The following NXPH2 variants were observed in gnomAD, a reference collection of about 807,000 sequenced individuals.
The protein encoded by NXPH2 is neurexophilin 2.
A neutral mutation model predicts 19.8 loss-of-function variants in NXPH2; 5 were observed. The ratio of observed to expected loss-of-function variants is 0.25; its 90% CI spans 0.13 to 0.53. The LOEUF (loss-of-function observed/expected upper bound fraction) is 0.53, where lower values mean the gene tolerates loss of function less well. Among genes scored for constraint, NXPH2 ranks in the 20% least tolerant of loss-of-function variants. The pLI, the probability that NXPH2 is intolerant of heterozygous loss-of-function variation, is 0.96. For synonymous variants in NXPH2, 154 were observed against 127.4 expected (o/e 1.21, Z -1.41); for missense variants, 289 against 322.8 (o/e 0.90, Z 0.80).
chr2:138,683,444 A>G (rs949939575), intron 1 of NXPH2, among the ~76,000 whole-genome samples: 1 of 152,224 alleles, frequency 6.6e-6, no homozygotes, highest in African/African-American at 2.4e-5. Flanking sequence ...TTCTATTTCC[A>G]TGCCATTTTC....
chr2:138,776,816 T>A (rs1321117482), intron 1 of NXPH2, among the ~76,000 whole-genome samples: 1 of 152,044 alleles, frequency 6.6e-6, no homozygotes, highest in Non-Finnish European at 1.5e-5. Flanking sequence ...AAACAAATAT[T>A]AAAATTATTA....
At chr2:138,757,812 TTTATCTATC>T (rs1472112933) in intron 1 of NXPH2, among the ~76,000 whole-genome samples, 4 of 120,686 alleles carry the variant, frequency 3.3e-5, no homozygotes, top group South Asian at 6.1e-4. Context: ...TGTGTGTTTC[TTTATCTATC>T]TATCTATCTA....
At chr2:138,686,500 T>C (rs55941745) in intron 1 of NXPH2, among the ~76,000 whole-genome samples, 12,750 of 152,188 alleles carry the variant, frequency 0.084, 790 homozygotes, top group Non-Finnish European at 0.11. Flanking sequence ...GCTACTTTAT[T>C]GAGGTATGAT....
At chr2:138,713,052 A>G (rs1176687469) in intron 1 of NXPH2, among the ~76,000 whole-genome samples, 1 of 152,232 alleles carries the variant, frequency 6.6e-6, no homozygotes, top group Non-Finnish European at 1.5e-5. Context: ...TAAATTAATT[A>G]TCCAAAGCTT....
chr2:138,689,534 A>G (rs1680714004), intron 1 of NXPH2, among the ~76,000 whole-genome samples: 1 of 152,172 alleles, frequency 6.6e-6, no homozygotes, highest in East Asian at 1.9e-4. Context: ...AGGAGTGCCC[A>G]TGTTGAGGTA....
chr2:138,757,352 C>T (rs115692128), intron 1 of NXPH2, among the ~76,000 whole-genome samples: 318 of 152,256 alleles, frequency 2.1e-3, no homozygotes, highest in African/African-American at 7.2e-3. Flanking sequence ...TGCCGATCTG[C>T]TGCATGAACA....
At chr2:138,693,697 C>G (rs1338486859) in intron 1 of NXPH2, among the ~76,000 whole-genome samples, 6 of 151,950 alleles carry the variant, frequency 3.9e-5, no homozygotes, top group African/African-American at 1.5e-4. Flanking sequence ...CACAGTGGTT[C>G]ACTGTAGGTC....
At chr2:138,734,889 C>G (rs951570978) in intron 1 of NXPH2, among the ~76,000 whole-genome samples, 21 of 152,076 alleles carry the variant, frequency 1.4e-4, no homozygotes, top group Admixed American at 1.3e-3. Context: ...TCAGAAACAT[C>G]TTGATAAAGA....
chr2:138,723,962 A>T (rs1681318747), intron 1 of NXPH2, among the ~76,000 whole-genome samples: 2 of 142,352 alleles, frequency 1.4e-5, no homozygotes, highest in Admixed American at 1.4e-4. Flanking sequence ...TTTTAAGTTC[A>T]GAGGTACATG....
intron 1 of NXPH2, among the ~76,000 whole-genome samples, chr2:138,684,971 A>T (rs999455417): frequency 2.0e-5 from 3 of 152,214 alleles, no homozygotes; most frequent in Admixed American, 6.5e-5. Flanking sequence ...TCTTCACTGG[A>T]TATCTGCATC....
rs1341211638 is a variant in NXPH2, at chr2:138,751,959, T to C, written c.51+28232A>G. 2.0e-5 allele frequency among the ~76,000 whole-genome samples: 3 copies of C among 152,224 alleles called. No homozygotes were observed. In the East Asian group the frequency reaches 5.8e-4, roughly 29 times the overall value. ...TGTGGAGAGATAACTCTAGGAATATTTGAGATGCTTAAATTACTTTGAGTT... is the reference window on the plus strand; with the variant it reads ...TGTGGAGAGATAACTCTAGGAATATCTGAGATGCTTAAATTACTTTGAGTT... On this transcript the variant is annotated intron_variant, in intron 1 of 1. Transcript: ENST00000272641.
intron 1 of NXPH2, among the ~76,000 whole-genome samples, chr2:138,715,132 A>G: frequency 6.6e-6 from 1 of 152,186 alleles, no homozygotes; most frequent in Non-Finnish European, 1.5e-5. Context: ...TAGATTCACT[A>G]CAGTCACTTT....
At position 138,762,877 on chromosome 2, in the gene NXPH2, G is replaced by A. The variant is rs537634559; in HGVS notation, c.51+17314C>T. On this transcript the variant is annotated intron_variant, in intron 1 of 1. Coordinates refer to ENST00000272641, the MANE Select transcript of NXPH2 (RefSeq NM_007226.3). The stretch of plus-strand genomic sequence containing the variant: ...AGAGGAGCTATTCCATACAGACCAA[G>A]CTTGGCTCCTTAAGCCAGACCACAC... Among the ~76,000 whole-genome samples, 6 of 152,276 alleles carry A rather than the reference G, an allele frequency of 3.9e-5. No homozygotes were observed. The South Asian group carries it at 1.2e-3, about 32-fold the overall frequency.
chr2:138,747,774 C>T (rs903263931), intron 1 of NXPH2, among the ~76,000 whole-genome samples: 1 of 152,130 alleles, frequency 6.6e-6, no homozygotes, highest in East Asian at 1.9e-4. Context: ...CTAGCCTGAC[C>T]ACAGAAGATG....
intron 1 of NXPH2, among the ~76,000 whole-genome samples, chr2:138,777,831 T>TAAAAAAAAAAAAAAA (rs11299940): frequency 3.2e-5 from 3 of 92,960 alleles, no homozygotes; most frequent in African/African-American, 4.1e-5. Context: ...ACCAAAAAAT[T>TAAAAAAAAAAAAAAA]AAAAAAAAAA....
At chr2:138,697,491 G>A (rs10195861) in intron 1 of NXPH2, among the ~76,000 whole-genome samples, 4,897 of 152,016 alleles carry the variant, frequency 0.032, 274 homozygotes, top group African/African-American at 0.11. Context: ...AATTATGTAA[G>A]TAAAGACTAC....
intron 1 of NXPH2, among the ~76,000 whole-genome samples, chr2:138,777,290 C>T (rs1003753622): frequency 2.6e-5 from 4 of 151,874 alleles, no homozygotes; most frequent in Admixed American, 6.6e-5. Flanking sequence ...ATAACATGCT[C>T]TTAATATTCT....
chr2:138,715,786 TCCTTC>T (rs938364749), intron 1 of NXPH2, among the ~76,000 whole-genome samples: 3 of 152,226 alleles, frequency 2.0e-5, no homozygotes, highest in African/African-American at 7.2e-5. Context: ...CCATTTCTTT[TCCTTC>T]CCAGGTCCAG....
chr2:138,738,302 A>G (rs923398855), intron 1 of NXPH2, among the ~76,000 whole-genome samples: 8 of 152,184 alleles, frequency 5.3e-5, no homozygotes, highest in African/African-American at 1.4e-4. Flanking sequence ...TCATGGAGGT[A>G]TACTGGTAAT....
Sources: allele counts gnomAD v4.1 joint callset (sites outside exome capture counted in the v4.1 genomes callset), GRCh38; gene constraint gnomAD v4.1.1; transcripts MANE v1.5; gene names NCBI Gene and HGNC (gene_info 2026-07-23, HGNC 2026-07-21).